LRRC4C: variants seen among roughly 807,000 people sequenced by gnomAD.
The protein encoded by LRRC4C is leucine rich repeat containing 4C.
A neutral mutation model predicts 33.6 loss-of-function variants in LRRC4C; 5 were observed. The observed-to-expected ratio is 0.15, with a 90% CI of 0.08 to 0.31. LRRC4C has a LOEUF of 0.31. LRRC4C is among the 10% of genes least tolerant of loss of function. The probability of loss-of-function intolerance (pLI) is 1.00; values close to 1 mark genes in which losing one functional copy is unlikely to be tolerated. For missense variants in LRRC4C, 560 were observed against 796.7 expected, an observed-to-expected ratio of 0.70 and a Z score of 3.58; for synonymous variants, 329 against 302.0, an observed-to-expected ratio of 1.09 and a Z score of -0.93.
At chr11:40,670,893 G>A (rs1455581101) in intron 2 of LRRC4C, among the ~76,000 whole-genome samples, 6 of 151,954 alleles carry the variant, frequency 3.9e-5, no homozygotes, top group Admixed American at 1.3e-4. Context: ...CCTCCCGAGT[G>A]GCTGGGACTA....
At chr11:41,369,043 C>T (rs1029788467) in intron 1 of LRRC4C, among the ~76,000 whole-genome samples, 1 of 152,112 alleles carries the variant, frequency 6.6e-6, no homozygotes, top group Non-Finnish European at 1.5e-5. Flanking sequence ...ATCATTCCCT[C>T]TTAGAGCATT....
chr11:41,043,260 C>G (rs2138012833), intron 1 of LRRC4C, among the ~76,000 whole-genome samples: 1 of 151,908 alleles, frequency 6.6e-6, no homozygotes, highest in Non-Finnish European at 1.5e-5. Flanking sequence ...AGTCAAATCC[C>G]CTTGGCTCTT....
At chr11:40,487,397 C>G (rs1953917669) in intron 3 of LRRC4C, among the ~76,000 whole-genome samples, 1 of 152,026 alleles carries the variant, frequency 6.6e-6, no homozygotes, top group South Asian at 2.1e-4. Flanking sequence ...ATATCCATGT[C>G]TTAATACCAG....
At chr11:41,231,554 G>A (rs1947795783) in intron 1 of LRRC4C, among the ~76,000 whole-genome samples, 1 of 144,678 alleles carries the variant, frequency 6.9e-6, no homozygotes, top group East Asian at 2.1e-4. Flanking sequence ...CTCATAGGTG[G>A]GAATTGAACA....
At chr11:40,779,971 A>G (rs1294345726) in intron 2 of LRRC4C, among the ~76,000 whole-genome samples, 1 of 152,212 alleles carries the variant, frequency 6.6e-6, no homozygotes. Flanking sequence ...GAAACATCAC[A>G]ATGTATAGGC....
chr11:41,168,616 C>G (rs993072004), intron 1 of LRRC4C, among the ~76,000 whole-genome samples: 1 of 151,466 alleles, frequency 6.6e-6, no homozygotes, highest in East Asian at 1.9e-4. Flanking sequence ...CCTTTTGATA[C>G]AGAAATACAT....
At chr11:40,826,969 C>T (rs1211669175) in intron 2 of LRRC4C, among the ~76,000 whole-genome samples, 1 of 151,972 alleles carries the variant, frequency 6.6e-6, no homozygotes, top group Non-Finnish European at 1.5e-5. Context: ...GAAAACACTA[C>T]AAATTCCGTT....
chr11:41,163,282 C>CTCTTTTTTTTTTT (rs1207086558), intron 1 of LRRC4C, among the ~76,000 whole-genome samples: 1 of 18,530 alleles, frequency 5.4e-5, no homozygotes, highest in Non-Finnish European at 1.6e-4. Flanking sequence ...TTTACTGTAA[C>CTCTTTTTTTTTTT]TGTTTTTTTT....
At chr11:40,768,245 C>T (rs1409389570) in intron 2 of LRRC4C, among the ~76,000 whole-genome samples, 1 of 152,008 alleles carries the variant, frequency 6.6e-6, no homozygotes, top group African/African-American at 2.4e-5. Context: ...TGGACCCATA[C>T]AACCTACCAA....
intron 1 of LRRC4C, among the ~76,000 whole-genome samples, chr11:41,260,603 A>G (rs1948949403): frequency 6.6e-6 from 1 of 151,862 alleles, no homozygotes; most frequent in African/African-American, 2.4e-5. Flanking sequence ...ATAGATGTAT[A>G]TATATGTGTA....
chr11:41,220,543 C>G (rs1947260650), intron 1 of LRRC4C, among the ~76,000 whole-genome samples: 1 of 149,862 alleles, frequency 6.7e-6, no homozygotes, highest in Non-Finnish European at 1.5e-5. Flanking sequence ...TACACACACA[C>G]ACACACACAC....
At chr11:40,629,932 A>T (rs1293316273) in intron 3 of LRRC4C, among the ~76,000 whole-genome samples, 1 of 152,174 alleles carries the variant, frequency 6.6e-6, no homozygotes, top group Non-Finnish European at 1.5e-5. Context: ...ATTTCATAAT[A>T]TTTCAGATAC....
At chr11:40,709,759 C>T (rs2136571809) in intron 2 of LRRC4C, among the ~76,000 whole-genome samples, 2 of 152,262 alleles carry the variant, frequency 1.3e-5, no homozygotes, top group Middle Eastern at 6.8e-3. Flanking sequence ...GGGAAGTTCT[C>T]CTGGATAATA....
At chr11:41,091,692 GAT>G (rs1940429844) in intron 1 of LRRC4C, among the ~76,000 whole-genome samples, 1 of 152,032 alleles carries the variant, frequency 6.6e-6, no homozygotes, top group Non-Finnish European at 1.5e-5. Context: ...CACGTAATGA[GAT>G]ATGTACATCA....
intron 1 of LRRC4C, among the ~76,000 whole-genome samples, chr11:41,020,202 A>G (rs1855867601): frequency 6.6e-6 from 1 of 152,126 alleles, no homozygotes; most frequent in Non-Finnish European, 1.5e-5. Context: ...AATATGTCTG[A>G]TCACAGAATT....
intron 3 of LRRC4C, among the ~76,000 whole-genome samples, chr11:40,577,963 T>G (rs527293955): frequency 1.3e-5 from 2 of 150,372 alleles, no homozygotes; most frequent in East Asian, 3.9e-4. Context: ...GCCTCCCGAG[T>G]AGCTGGGACT....
chr11:40,128,225 C>T (rs1014997331), intron 6 of LRRC4C, among the ~76,000 whole-genome samples: 3 of 152,124 alleles, frequency 2.0e-5, no homozygotes, highest in Admixed American at 1.3e-4. Flanking sequence ...ACACTGAAAG[C>T]GAATCCCCAA....
intron 3 of LRRC4C, among the ~76,000 whole-genome samples, chr11:40,350,223 C>T (rs574900831): frequency 2.6e-5 from 4 of 152,084 alleles, no homozygotes; most frequent in East Asian, 3.9e-4. Context: ...TCATAGCTTG[C>T]GATCTTAGAT....
intron 4 of LRRC4C, among the ~76,000 whole-genome samples, chr11:40,245,851 T>A (rs1034621247): frequency 6.6e-6 from 1 of 152,036 alleles, no homozygotes; most frequent in African/African-American, 2.4e-5. Flanking sequence ...TTTTTATAGA[T>A]ATTATTATTT....
Sources: allele counts gnomAD v4.1 joint callset (sites outside exome capture counted in the v4.1 genomes callset), GRCh38; gene constraint gnomAD v4.1.1; transcripts MANE v1.5; gene names NCBI Gene and HGNC (gene_info 2026-07-23, HGNC 2026-07-21).